Variants in CLEC2A observed in about 807,000 individuals in gnomAD.
The protein encoded by CLEC2A is C-type lectin domain family 2 member A, also known as keratinocyte-associated C-type lectin.
In CLEC2A, 19 loss-of-function variants were observed where a neutral mutation model predicts 18.6. The observed-to-expected ratio is 1.02, with a 90% CI of 0.71 to 1.50. CLEC2A has a LOEUF of 1.50. Ranked by LOEUF, CLEC2A falls within the 40% of genes most tolerant of loss-of-function variation. CLEC2A has a pLI of 0.00. For synonymous variants in CLEC2A, 74 were observed against 64.0 expected (o/e 1.16, Z -0.75); for missense variants, 190 against 207.9 (o/e 0.91, Z 0.53).
At chr12:9,893,227 A>G in the CLEC2A span, 1 of 1,449,234 alleles carries the variant, frequency 6.9e-7, no homozygotes, top group Non-Finnish European at 9.3e-7. Flanking sequence ...GTGCAAGTTC[A>G]CTGCCTAAGA....
downstream of CLEC2A, among the ~76,000 whole-genome samples, chr12:9,893,842 A>G (rs1269005883): frequency 6.6e-6 from 1 of 152,150 alleles, no homozygotes; most frequent in Non-Finnish European, 1.5e-5. Context: ...AAGCTGATTT[A>G]AATCTCATTT....
chr12:9,930,992 C>G (rs773388972), intron 1 of CLEC2A, among the ~76,000 whole-genome samples: 7 of 151,844 alleles, frequency 4.6e-5, no homozygotes, highest in Non-Finnish European at 8.8e-5. Context: ...GTTCTTGGTG[C>G]TTCTTCATTT....
exon 5 of CLEC2A, chr12:9,898,713 A>G (rs1156963394): frequency 2.1e-6 from 1 of 483,068 alleles, no homozygotes; most frequent in East Asian, 2.8e-5. Context: ...ATCAAAATTT[A>G]TAGCCTATTA....
chr12:9,916,862 A>G, intron 3 of CLEC2A, 59 bp from the exon 4 acceptor site: 1 of 987,612 alleles, frequency 1.0e-6, no homozygotes, highest in South Asian at 1.5e-5. Flanking sequence ...ATTGCTGAAC[A>G]TGCTTCCCAC....
downstream of CLEC2A, among the ~76,000 whole-genome samples, chr12:9,893,803 C>T (rs948543177): frequency 3.9e-5 from 6 of 151,926 alleles, no homozygotes; most frequent in Non-Finnish European, 8.8e-5. Flanking sequence ...GTTTAATTGT[C>T]CAAAATTCAT....
At chr12:9,926,871 A>G (rs1041644733) in intron 1 of CLEC2A, among the ~76,000 whole-genome samples, 4 of 152,322 alleles carry the variant, frequency 2.6e-5, no homozygotes, top group Middle Eastern at 3.4e-3. Flanking sequence ...TAATTTATTT[A>G]TTTGTGGTAA....
intron 1 of CLEC2A, among the ~76,000 whole-genome samples, chr12:9,931,728 A>G (rs1863378505): frequency 3.3e-5 from 5 of 152,130 alleles, no homozygotes; most frequent in African/African-American, 1.2e-4. Flanking sequence ...TTCCTATTCC[A>G]GTCATTTGGC....
downstream of CLEC2A, among the ~76,000 whole-genome samples, chr12:9,895,435 C>T (rs1029250847): frequency 2.6e-5 from 4 of 152,052 alleles, no homozygotes; most frequent in Non-Finnish European, 5.9e-5. Flanking sequence ...GTCTTGCAGG[C>T]GTAGATAATG....
At chr12:9,921,415 A>G (rs1343312752) in intron 3 of CLEC2A, among the ~76,000 whole-genome samples, 1 of 152,072 alleles carries the variant, frequency 6.6e-6, no homozygotes, top group Non-Finnish European at 1.5e-5. Context: ...GTGAGACCTC[A>G]TCTCTACAAA....
At chr12:9,908,637 C>T (rs986513867), downstream of CLEC2A, among the ~76,000 whole-genome samples, 1 of 152,152 alleles carries the variant, frequency 6.6e-6, no homozygotes, top group Non-Finnish European at 1.5e-5. Flanking sequence ...CCCTATTCTT[C>T]CTCAAAAGTC....
At chr12:9,896,176 T>C (rs981019948), downstream of CLEC2A, among the ~76,000 whole-genome samples, 1 of 152,210 alleles carries the variant, frequency 6.6e-6, no homozygotes, top group African/African-American at 2.4e-5. Context: ...ATATGTGCTA[T>C]GTGGTAGATT....
intron 3 of CLEC2A, among the ~76,000 whole-genome samples, chr12:9,920,603 T>C (rs549561582): frequency 2.0e-5 from 3 of 150,724 alleles, no homozygotes; most frequent in African/African-American, 7.3e-5. Context: ...CCATTGCGTG[T>C]ACCCTGGATG....
chr12:9,906,373 G>C (rs1418484794), intron 4 of CLEC2A, among the ~76,000 whole-genome samples: 1 of 152,182 alleles, frequency 6.6e-6, no homozygotes, highest in Non-Finnish European at 1.5e-5. Context: ...GATCTGCAAG[G>C]TTATTTTTCT....
chr12:9,880,497 G>C, the CLEC2A span, among the ~76,000 whole-genome samples: 1 of 151,740 alleles, frequency 6.6e-6, no homozygotes, highest in Non-Finnish European at 1.5e-5. Flanking sequence ...GAGTGGCCAC[G>C]TAGCAGAAAC....
chr12:9,908,002 G>A (rs927038621), intron 4 of CLEC2A, among the ~76,000 whole-genome samples: 1 of 152,142 alleles, frequency 6.6e-6, no homozygotes, highest in South Asian at 2.1e-4. Flanking sequence ...TGTGCTAGTC[G>A]GTATGACCTG....
the CLEC2A span, among the ~76,000 whole-genome samples, chr12:9,887,822 C>T: frequency 4.3e-4 from 64 of 149,994 alleles, no homozygotes; most frequent in African/African-American, 1.5e-3. Context: ...GAGGCCAAGG[C>T]AGGTGGAGCG....
chr12:9,915,926 A>G (rs1444114970), intron 4 of CLEC2A, among the ~76,000 whole-genome samples: 4 of 152,072 alleles, frequency 2.6e-5, no homozygotes, highest in African/African-American at 4.8e-5. Context: ...CCTTATTTAT[A>G]AGTATAATTT....
the CLEC2A span, among the ~76,000 whole-genome samples, chr12:9,892,038 C>G: frequency 3.9e-5 from 6 of 152,288 alleles, no homozygotes; most frequent in Non-Finnish European, 8.8e-5. Flanking sequence ...ACCTCACAAA[C>G]CTTCCAATCA....
chr12:9,896,624 GTTTTTA>G (rs1157365123), downstream of CLEC2A, among the ~76,000 whole-genome samples: 2 of 151,924 alleles, frequency 1.3e-5, no homozygotes, highest in Non-Finnish European at 2.9e-5. Context: ...ACAATAACTT[GTTTTTA>G]TTTTTAATAC....
Sources: gnomAD v4.1 joint callset for allele counts (sites outside exome capture counted in the v4.1 genomes callset) on GRCh38, gnomAD v4.1.1 for gene constraint, MANE v1.5 for transcripts, NCBI Gene and HGNC (gene_info 2026-07-23, HGNC 2026-07-21) for gene names.